Variants in C3orf49 observed in about 807,000 individuals in gnomAD.
C3orf49 encodes the protein putative uncharacterized protein C3orf49.
A neutral mutation model predicts 13.3 loss-of-function variants in C3orf49; 27 were observed. That is an observed-to-expected ratio of 2.02 (90% CI 1.49 to 2.79). The LOEUF (loss-of-function observed/expected upper bound fraction) is 2.79, where lower values mean the gene tolerates loss of function less well. Ranked by LOEUF, C3orf49 falls within the 30% of genes most tolerant of loss-of-function variation. The probability of loss-of-function intolerance (pLI) is 0.00; values close to 1 mark genes in which losing one functional copy is unlikely to be tolerated. For synonymous variants in C3orf49, 87 were observed against 47.6 expected, an observed-to-expected ratio of 1.83 and a Z score of -3.40; for missense variants, 242 against 134.2, an observed-to-expected ratio of 1.80 and a Z score of -3.97.
At chr3:63,816,818 G>A (rs1430742936), upstream of C3orf49, among the ~76,000 whole-genome samples, 2 of 136,424 alleles carry the variant, frequency 1.5e-5, no homozygotes, top group African/African-American at 5.6e-5. Flanking sequence ...TGTCGCCCAG[G>A]CTGGAGTGCA....
rs1015484609 is a variant in C3orf49 at position 63,819,319 on chromosome 3, TA to T, written c.-151del. 3.6e-5 allele frequency: 21 copies of T among 581,796 alleles called. No homozygotes were observed. In the Admixed American group the frequency reaches 4.1e-4, roughly 11 times the overall value. The allele number at this position is 581,796 out of a possible 1,614,324, so 36.0% of individuals were successfully genotyped here. ...AATGTCTCTAACACCTGGAAGGGAA[TA>T]AGGGAAAGACTCTAAAAATTTCCTA... On this transcript the variant is annotated 5_prime_UTR_variant, in exon 1 of 7. Coordinates refer to ENST00000295896, the MANE Select transcript of C3orf49 (RefSeq NM_001355236.2).
chr3:63,800,399 A>T, the C3orf49 span, among the ~76,000 whole-genome samples: 18 of 152,186 alleles, frequency 1.2e-4, no homozygotes, highest in African/African-American at 4.3e-4. Flanking sequence ...TCCAATCGTG[A>T]ATTTCAGATA....
the C3orf49 span, among the ~76,000 whole-genome samples, chr3:63,808,275 T>C: frequency 1.3e-5 from 2 of 152,226 alleles, no homozygotes; most frequent in Admixed American, 1.3e-4. Context: ...GTAGAGTTTC[T>C]TTTTACATAA....
At chr3:63,782,741 A>C in the C3orf49 span, 1 of 152,250 alleles carries the variant, frequency 6.6e-6, no homozygotes, top group Non-Finnish European at 1.5e-5. Context: ...TTGAAAGGAC[A>C]GGCAGGAACT....
At chr3:63,780,961 T>G in the C3orf49 span, among the ~76,000 whole-genome samples, 50 of 152,098 alleles carry the variant, frequency 3.3e-4, no homozygotes, top group African/African-American at 1.1e-3. Context: ...CTGATGGTAG[T>G]TTCTTTTGCT....
the C3orf49 span, among the ~76,000 whole-genome samples, chr3:63,799,530 C>T: frequency 2.0e-5 from 3 of 152,118 alleles, no homozygotes; most frequent in South Asian, 6.2e-4. Flanking sequence ...TATTTTCTAT[C>T]AATTCATTAG....
chr3:63,800,470 T>TATA, the C3orf49 span, among the ~76,000 whole-genome samples: 95 of 151,754 alleles, frequency 6.3e-4, no homozygotes, highest in African/African-American at 1.7e-3. Context: ...CCATTAAACC[T>TATA]ATAATAATAA....
At chr3:63,823,843 C>G (rs1701433388) in intron 2 of C3orf49, among the ~76,000 whole-genome samples, 3 of 151,224 alleles carry the variant, frequency 2.0e-5, no homozygotes, top group African/African-American at 7.3e-5. Context: ...CTCTATCACC[C>G]AGGCTGTAGT....
At chr3:63,834,224 A>T in intron 5 of C3orf49, 1 of 1,612,018 alleles carries the variant, frequency 6.2e-7, no homozygotes, top group Non-Finnish European at 8.5e-7. Context: ...GAAACATAAA[A>T]CCTTAGTCAA....
intron 3 of C3orf49, among the ~76,000 whole-genome samples, 175 bp downstream of exon 3, chr3:63,827,900 T>C (rs1286487099): frequency 6.6e-6 from 1 of 152,176 alleles, no homozygotes; most frequent in Non-Finnish European, 1.5e-5. Flanking sequence ...TTCTTCTACT[T>C]CTAAGCTCAA....
chr3:63,831,626 T>C, intron 4 of C3orf49, 54 bp from the exon 5 acceptor site: 1 of 680,486 alleles, frequency 1.5e-6, no homozygotes, highest in Middle Eastern at 2.3e-4. Context: ...TCCCTTTGAT[T>C]TTGACAAGGC....
intron 6 of C3orf49, chr3:63,846,257 G>T (rs755057130): frequency 2.7e-5 from 12 of 442,116 alleles, no homozygotes; most frequent in African/African-American, 2.4e-4. Context: ...TAAGAGAATC[G>T]TCTGAAAAAT....
the C3orf49 span, among the ~76,000 whole-genome samples, chr3:63,785,065 CTT>C: frequency 1.5e-4 from 10 of 64,968 alleles, no homozygotes; most frequent in Admixed American, 5.1e-4. Context: ...TCTTCTTCTT[CTT>C]TTTTTTTTTT....
chr3:63,784,720 G>A, the C3orf49 span: 1 of 152,134 alleles, frequency 6.6e-6, no homozygotes, highest in African/African-American at 2.4e-5. Context: ...AACCGGGCGT[G>A]TGACACATAC....
At position 63,831,211 on chromosome 3, in the gene C3orf49, G is replaced by C; in HGVS notation, c.672G>C (p.Lys224Asn). The change falls in exon 4 of 7, where the codon AAG becomes AAC. Residue 224 changes from lysine to asparagine, a missense_variant. Transcript: ENST00000295896. The part of the protein sequence containing the change: ...ILRKSDLTVG[K>N]LQMQVDDLIE... ...GAAAATCAGATTTGACAGTAGGAAAGCTTCAAATGCAGGTAGTGGACAAAG... is the reference window on the plus strand; with the variant it reads ...GAAAATCAGATTTGACAGTAGGAAACCTTCAAATGCAGGTAGTGGACAAAG... 1 of 702,580 alleles carries C rather than the reference G, an allele frequency of 1.4e-6. No homozygotes were observed. The highest frequency in any genetic ancestry group is 2.7e-5 in the East Asian group (1 of 37,282). 43.5% of individuals were successfully genotyped at this position (702,580 alleles called of 1,614,324 possible).
intron 5 of C3orf49, among the ~76,000 whole-genome samples, chr3:63,836,574 C>CT (rs1233784024): frequency 1.3e-5 from 2 of 151,894 alleles, no homozygotes; most frequent in Non-Finnish European, 2.9e-5. Context: ...TTAGCTCCCA[C>CT]TTTTTTTCCA....
the C3orf49 span, among the ~76,000 whole-genome samples, chr3:63,799,416 C>T: frequency 6.6e-6 from 1 of 152,042 alleles, no homozygotes; most frequent in Non-Finnish European, 1.5e-5. Context: ...AATAGCATTA[C>T]CAAAAGTTGT....
At chr3:63,822,502 T>G (rs1701412059) in intron 1 of C3orf49, among the ~76,000 whole-genome samples, 1 of 152,194 alleles carries the variant, frequency 6.6e-6, no homozygotes, top group Non-Finnish European at 1.5e-5. Context: ...TGGACATAAA[T>G]TATTTAATCT....
intron 5 of C3orf49, chr3:63,838,053 A>G (rs754635409): frequency 6.2e-7 from 1 of 1,607,192 alleles, no homozygotes; most frequent in South Asian, 1.1e-5. Flanking sequence ...TGCTCCAGCT[A>G]TGCTACATTC....
Sources: allele counts gnomAD v4.1 joint callset (sites outside exome capture counted in the v4.1 genomes callset), GRCh38; gene constraint gnomAD v4.1.1; transcripts MANE v1.5; gene names NCBI Gene and HGNC (gene_info 2026-07-23, HGNC 2026-07-21).